The following ATRNL1 variants were observed in gnomAD, a reference collection of about 807,000 sequenced individuals.
The protein encoded by ATRNL1 is attractin like 1.
Under a neutral mutation model 182.7 loss-of-function variants are expected in ATRNL1, and 95 were observed. That is an observed-to-expected ratio of 0.52 (90% confidence interval 0.44 to 0.62). The LOEUF is 0.62. Among genes scored for constraint, ATRNL1 ranks in the 20% least tolerant of loss-of-function variants. ATRNL1 has a pLI of 0.00. For synonymous variants in ATRNL1, 576 were observed against 568.3 expected, an observed-to-expected ratio of 1.01 and a Z score of -0.19; for missense variants, 1,471 against 1,679.5, an observed-to-expected ratio of 0.88 and a Z score of 2.17.
intron 14 of ATRNL1, among the ~76,000 whole-genome samples, chr10:115,284,668 T>C (rs1554918080): frequency 6.6e-6 from 1 of 152,178 alleles, no homozygotes; most frequent in Non-Finnish European, 1.5e-5. Context: ...CATTATTTGC[T>C]TTTAAAATTT....
At chr10:115,229,841 G>A (rs1849850272) in intron 9 of ATRNL1, among the ~76,000 whole-genome samples, 1 of 151,938 alleles carries the variant, frequency 6.6e-6, no homozygotes, top group African/African-American at 2.4e-5. Flanking sequence ...TATAAATTGG[G>A]AAATATCACA....
intron 26 of ATRNL1, among the ~76,000 whole-genome samples, chr10:115,582,698 C>T (rs1855206605): frequency 6.7e-6 from 1 of 149,172 alleles, no homozygotes; most frequent in Admixed American, 6.8e-5. Flanking sequence ...TGTAGGCTGC[C>T]TGTTCACTCT....
chr10:115,119,665 G>A (rs1157237650), intron 1 of ATRNL1, among the ~76,000 whole-genome samples: 1 of 151,838 alleles, frequency 6.6e-6, no homozygotes, highest in East Asian at 1.9e-4. Flanking sequence ...ATGTAAAGTA[G>A]ACAGGAGAAA....
At chr10:115,469,093 T>G in intron 23 of ATRNL1, 79 bp from the exon 24 acceptor site, 1 of 481,762 alleles carries the variant, frequency 2.1e-6, no homozygotes, top group South Asian at 1.0e-4. Context: ...TAAGAGCAAT[T>G]ATAAAAAACT....
chr10:115,140,174 A>C (rs539109949), intron 5 of ATRNL1, among the ~76,000 whole-genome samples: 46 of 152,286 alleles, frequency 3.0e-4, no homozygotes, highest in Admixed American at 1.5e-3. Context: ...CTGCTTGGCT[A>C]AACCTAGGTC....
intron 24 of ATRNL1, among the ~76,000 whole-genome samples, chr10:115,485,980 G>A (rs2134634160): frequency 6.8e-6 from 1 of 147,432 alleles, no homozygotes; most frequent in South Asian, 2.1e-4. Flanking sequence ...CCACTTATGA[G>A]TGAGAACATG....
At chr10:115,593,283 C>T (rs1338827108) in intron 26 of ATRNL1, among the ~76,000 whole-genome samples, 1 of 152,182 alleles carries the variant, frequency 6.6e-6, no homozygotes. Context: ...TGCTAAATAG[C>T]CAAAGCAATC....
chr10:115,731,110 C>A (rs1947785179), intron 27 of ATRNL1, among the ~76,000 whole-genome samples: 1 of 152,176 alleles, frequency 6.6e-6, no homozygotes. Context: ...TGTTAATCTT[C>A]TTTGGCACAT....
At chr10:115,577,383 C>T (rs913505975) in intron 26 of ATRNL1, among the ~76,000 whole-genome samples, 1 of 151,558 alleles carries the variant, frequency 6.6e-6, no homozygotes, top group Non-Finnish European at 1.5e-5. Flanking sequence ...TTATTTGTGC[C>T]TTCTTCAGTT....
intron 21 of ATRNL1, among the ~76,000 whole-genome samples, chr10:115,449,619 C>T (rs1407369613): frequency 6.6e-6 from 1 of 152,126 alleles, no homozygotes; most frequent in African/African-American, 2.4e-5. Context: ...CCAGACACTG[C>T]CATGGGGCTG....
chr10:115,532,870 A>G (rs1851681799), intron 25 of ATRNL1, among the ~76,000 whole-genome samples: 1 of 152,152 alleles, frequency 6.6e-6, no homozygotes, highest in South Asian at 2.1e-4. Flanking sequence ...TATTGATATA[A>G]TCATGTGGTT....
At chr10:115,722,859 T>TA (rs1177910724) in intron 26 of ATRNL1, among the ~76,000 whole-genome samples, 12 of 152,170 alleles carry the variant, frequency 7.9e-5, no homozygotes, top group African/African-American at 2.4e-4. Context: ...ATCCCCATTC[T>TA]AAAAAAATAA....
chr10:115,257,424 T>A (rs1851198805), intron 10 of ATRNL1, among the ~76,000 whole-genome samples: 1 of 152,234 alleles, frequency 6.6e-6, no homozygotes, highest in South Asian at 2.1e-4. Flanking sequence ...GTTTAAAGTC[T>A]GTTTTATCAG....
Position 115,850,000 on chromosome 10 carries a change from G to A in ATRNL1, c.4018+2009G>A, listed in dbSNP as rs551815424. Among the ~76,000 whole-genome samples, 247 of 152,230 alleles carry A rather than the reference G, an allele frequency of 1.6e-3. 11 individuals carry two copies. In the South Asian group the frequency reaches 0.049, roughly 30 times the overall value. On this transcript the variant is annotated intron_variant, in intron 28 of 28. Transcript: ENST00000355044. Reference sequence around the variant, plus strand: ...GAGCCTGAGGATGAAACTATGATGAGTATCTGCGTACATAATTCAGAATGA... The same window carrying A: ...GAGCCTGAGGATGAAACTATGATGAATATCTGCGTACATAATTCAGAATGA...
In ATRNL1 at chr10:115,669,276, CT is replaced by C. The variant is rs142246247; in HGVS notation, c.3796-57971del. On this transcript the variant is annotated intron_variant, in intron 26 of 28. Coordinates refer to ENST00000355044, the MANE Select transcript of ATRNL1 (RefSeq NM_207303.4). ...TCATTTTTCTGACAGAATATGATAG[CT>C]GTCTGAAGGATATGTAATATTTATA... is the stretch of plus-strand genomic sequence containing the variant. Among the ~76,000 whole-genome samples the C allele has an allele frequency of 3.2e-3, 485 of 152,052 alleles. 1 individual carries two copies. Among genetic ancestry groups the C allele is most frequent in the African/African-American group, 0.011 (450 of 41,502 alleles).
Position 115,470,768 on chromosome 10 carries a change from A to G in ATRNL1, c.3654+1439A>G, listed in dbSNP as rs1204234842. Among the ~76,000 whole-genome samples, 3 of 150,650 alleles carry G rather than the reference A, an allele frequency of 2.0e-5. No homozygotes were observed. In the East Asian group the frequency reaches 5.8e-4, roughly 29 times the overall value. On this transcript the variant is annotated intron_variant, in intron 24 of 28. Transcript: ENST00000355044. ...TGAAATACTCCACTCTCAAAATAAT[A>G]CAGTGTGGAAAATAATTGAGATGGA...
chr10:115,837,302 C>CT (rs1565423656), intron 27 of ATRNL1, among the ~76,000 whole-genome samples: 1 of 152,018 alleles, frequency 6.6e-6, no homozygotes, highest in East Asian at 1.9e-4. Flanking sequence ...AGTTCCATAA[C>CT]TTTGATTCCT....
At chr10:115,907,321 C>T (rs1396729674) in intron 28 of ATRNL1, among the ~76,000 whole-genome samples, 1 of 152,206 alleles carries the variant, frequency 6.6e-6, no homozygotes, top group Non-Finnish European at 1.5e-5. Context: ...TCTATGGTAA[C>T]CTTAACTCTT....
intron 21 of ATRNL1, among the ~76,000 whole-genome samples, chr10:115,443,513 G>T (rs532850877): frequency 6.3e-4 from 95 of 151,402 alleles, no homozygotes; most frequent in Middle Eastern, 3.4e-3. Flanking sequence ...TTTTTATTTT[G>T]TATTTTTACT....
Sources: gnomAD v4.1 joint callset for allele counts (sites outside exome capture counted in the v4.1 genomes callset) on GRCh38, gnomAD v4.1.1 for gene constraint, MANE v1.5 for transcripts, NCBI Gene and HGNC (gene_info 2026-07-23, HGNC 2026-07-21) for gene names.